IGF2BP2: variants seen among roughly 807,000 people sequenced by gnomAD.
The protein encoded by IGF2BP2 is insulin like growth factor 2 mRNA binding protein 2, also known as insulin-like growth factor 2 mRNA-binding protein 2.
In IGF2BP2, 17 loss-of-function variants were observed where a neutral mutation model predicts 75.8. The observed-to-expected ratio is 0.22, with a 90% confidence interval of 0.15 to 0.34. The LOEUF (loss-of-function observed/expected upper bound fraction) is 0.34. Ranked by LOEUF, IGF2BP2 falls within the 10% of genes least tolerant of loss-of-function variation. The pLI, the probability that IGF2BP2 is intolerant of heterozygous loss-of-function variation, is 1.00. For synonymous variants in IGF2BP2, 288 were observed against 295.6 expected (o/e 0.97, Z 0.26); for missense variants, 516 against 772.4 (o/e 0.67, Z 3.93).
chr3:185,689,967 C>CAAAAAAAAAAAAAA (rs5855070), intron 5 of IGF2BP2, among the ~76,000 whole-genome samples: 1 of 118,218 alleles, frequency 8.5e-6, no homozygotes, highest in Non-Finnish European at 1.8e-5. Flanking sequence ...GACTCCGTCT[C>CAAAAAAAAAAAAAA]AAAAAAAAAA....
At chr3:185,713,895 T>C (rs1455343978) in intron 2 of IGF2BP2, among the ~76,000 whole-genome samples, 1 of 152,172 alleles carries the variant, frequency 6.6e-6, no homozygotes, top group African/African-American at 2.4e-5. Flanking sequence ...GAGATGGGGT[T>C]TCACCATGTT....
chr3:185,722,213 C>A (rs1726673771), intron 2 of IGF2BP2: 1 of 455,480 alleles, frequency 2.2e-6, no homozygotes, highest in Non-Finnish European at 4.4e-6. Flanking sequence ...GGACTACAGG[C>A]ACATGCCACC....
chr3:185,725,479 C>T (rs1420681238), intron 2 of IGF2BP2, among the ~76,000 whole-genome samples: 1 of 151,932 alleles, frequency 6.6e-6, no homozygotes, highest in African/African-American at 2.4e-5. Flanking sequence ...GGGGGGTCGA[C>T]AAAAAGAAAG....
chr3:185,679,852 G>C (rs1465830184), intron 7 of IGF2BP2, among the ~76,000 whole-genome samples: 2 of 152,128 alleles, frequency 1.3e-5, no homozygotes, highest in Non-Finnish European at 2.9e-5. Context: ...CTGACCTTGT[G>C]ATCCACCCAC....
At chr3:185,754,001 C>T (rs764629815) in intron 2 of IGF2BP2, among the ~76,000 whole-genome samples, 12 of 151,436 alleles carry the variant, frequency 7.9e-5, no homozygotes, top group Non-Finnish European at 1.3e-4. Context: ...CTCAGGAGTT[C>T]GAGACCACCC....
chr3:185,783,884 C>T (rs953694889), intron 2 of IGF2BP2, among the ~76,000 whole-genome samples: 1 of 152,074 alleles, frequency 6.6e-6, no homozygotes, highest in Admixed American at 6.6e-5. Flanking sequence ...AGTTATTATA[C>T]ATACATACGA....
chr3:185,709,195 T>C (rs761514215), intron 2 of IGF2BP2, among the ~76,000 whole-genome samples: 26 of 152,330 alleles, frequency 1.7e-4, no homozygotes, highest in Non-Finnish European at 3.2e-4. Context: ...TACAAAACCA[T>C]CTTTGTAAAG....
At chr3:185,803,469 T>C (rs766045183) in intron 2 of IGF2BP2, among the ~76,000 whole-genome samples, 43 of 152,262 alleles carry the variant, frequency 2.8e-4, no homozygotes, top group Non-Finnish European at 5.4e-4. Flanking sequence ...TTTTCTTTAA[T>C]TGTAAGTATT....
chr3:185,693,161 T>C (rs2149337734), intron 4 of IGF2BP2: 1 of 158,040 alleles, frequency 6.3e-6, no homozygotes, highest in East Asian at 1.8e-4. Flanking sequence ...GTCTAAATAG[T>C]GTTGCTAAAA....
chr3:185,791,142 T>G (rs548764214), intron 2 of IGF2BP2, among the ~76,000 whole-genome samples: 1 of 152,372 alleles, frequency 6.6e-6, no homozygotes, highest in South Asian at 2.1e-4. Flanking sequence ...GGGTAGGCAC[T>G]GGAACTGTAT....
intron 2 of IGF2BP2, among the ~76,000 whole-genome samples, chr3:185,771,621 T>C (rs1363487101): frequency 1.3e-5 from 2 of 152,190 alleles, no homozygotes; most frequent in Admixed American, 6.5e-5. Context: ...AAAAACTTTC[T>C]AGATAACCAA....
At position 185,647,145 on chromosome 3, in the gene IGF2BP2, A is replaced by AG; in HGVS notation, c.1594-8dup. ...AGTTCTGCAGTTCGTTCACCTGTGA[A>AG]GGGAGAAACGGCAACGGGTTGGATA... On this transcript the variant is annotated splice_region_variant and splice_polypyrimidine_tract_variant and intron_variant, in intron 14 of 15. Coordinates refer to ENST00000382199, the MANE Select transcript of IGF2BP2 (RefSeq NM_006548.6). The surrounding 1 kb of genome is among the most constrained non-coding windows in gnomAD (Gnocchi z 4.9). 6.2e-7 allele frequency: 1 copy of AG among 1,609,008 alleles called. No individual in the cohort carries two copies. Among genetic ancestry groups the AG allele is most frequent in the Non-Finnish European group, 8.5e-7 (1 of 1,175,266 alleles).
chr3:185,730,113 C>T (rs1465509967), intron 2 of IGF2BP2, among the ~76,000 whole-genome samples: 1 of 152,076 alleles, frequency 6.6e-6, no homozygotes, highest in African/African-American at 2.4e-5. Flanking sequence ...ATTTTTAGCC[C>T]TCACCCCACT....
At chr3:185,808,130 AAAAAAGAAAG>A (rs1560503702) in intron 2 of IGF2BP2, among the ~76,000 whole-genome samples, 1 of 122,474 alleles carries the variant, frequency 8.2e-6, no homozygotes, top group Non-Finnish European at 1.6e-5. Flanking sequence ...AAAAAAAAAA[AAAAAAGAAAG>A]AAAGAAAGAA....
At chr3:185,774,768 C>T (rs1217570830) in intron 2 of IGF2BP2, among the ~76,000 whole-genome samples, 1 of 151,880 alleles carries the variant, frequency 6.6e-6, no homozygotes, top group African/African-American at 2.4e-5. Context: ...CTTTGGGAGA[C>T]CAAGGTGGGC....
At chr3:185,698,462 G>A in intron 2 of IGF2BP2, 115 bp from the exon 3 acceptor site, 1 of 899,238 alleles carries the variant, frequency 1.1e-6, no homozygotes, top group South Asian at 1.5e-5. Flanking sequence ...TGTTCACCAT[G>A]GCATCAACAA....
intron 2 of IGF2BP2, among the ~76,000 whole-genome samples, chr3:185,766,799 G>C (rs1379053187): frequency 1.3e-5 from 2 of 152,182 alleles, no homozygotes; most frequent in Non-Finnish European, 2.9e-5. Flanking sequence ...GTTATATCCT[G>C]TTTAGAGATG....
chr3:185,680,407 C>G (rs1049838878), intron 7 of IGF2BP2, among the ~76,000 whole-genome samples: 1 of 152,152 alleles, frequency 6.6e-6, no homozygotes, highest in Non-Finnish European at 1.5e-5. Context: ...CCTCCTGAAA[C>G]TCTTCCAAAA....
chr3:185,730,981 G>A (rs987169298), intron 2 of IGF2BP2, among the ~76,000 whole-genome samples: 2 of 152,064 alleles, frequency 1.3e-5, no homozygotes, highest in Non-Finnish European at 2.9e-5. Flanking sequence ...GGTTAGTAAT[G>A]TTTAGTATTC....
Sources: allele counts gnomAD v4.1 joint callset (sites outside exome capture counted in the v4.1 genomes callset), GRCh38; gene constraint gnomAD v4.1.1; non-coding constraint Gnocchi (gnomAD v3.1); transcripts MANE v1.5; gene names NCBI Gene and HGNC (gene_info 2026-07-23, HGNC 2026-07-21).